TDRP: variants seen among roughly 807,000 people sequenced by gnomAD.
The protein encoded by TDRP is testis development-related protein.
Under a neutral mutation model 10.5 loss-of-function variants are expected in TDRP, and 12 were observed. The observed-to-expected ratio is 1.15, with a 90% CI of 0.73 to 1.86. TDRP has a LOEUF of 1.86. TDRP is among the 40% of genes most tolerant of loss of function. TDRP has a pLI of 0.00. For missense variants in TDRP, 353 were observed against 229.2 expected (o/e 1.54, Z -3.49); for synonymous variants, 139 against 95.4 (o/e 1.46, Z -2.67).
In TDRP at chr8:518,395, G is replaced by A. The variant is rs546976732; in HGVS notation, c.109-23798C>T. On this transcript the variant is annotated intron_variant, in intron 1 of 2. Transcript: ENST00000324079. The stretch of plus-strand genomic sequence containing the variant: ...ACATAAGTCTAATAAAAGGTAACCT[G>A]TGCTACCAGTTATTAAATGTATTAG... Among the ~76,000 whole-genome samples the A allele has an allele frequency of 1.7e-4, 26 of 152,276 alleles. No individual in the cohort carries two copies. In the East Asian group the frequency reaches 2.3e-3, roughly 14 times the overall value.
chr8:509,069 G>T (rs1021256888), intron 1 of TDRP, among the ~76,000 whole-genome samples: 4 of 152,234 alleles, frequency 2.6e-5, no homozygotes, highest in African/African-American at 9.6e-5. Flanking sequence ...TCGTGCTGAT[G>T]CAAGAGATGG....
intron 1 of TDRP, among the ~76,000 whole-genome samples, chr8:507,083 C>A (rs933452721): frequency 2.0e-5 from 3 of 152,138 alleles, no homozygotes; most frequent in African/African-American, 7.2e-5. Context: ...AGGCAGGCAC[C>A]TTCTTCACAA....
intron 1 of TDRP, among the ~76,000 whole-genome samples, chr8:535,284 C>G (rs1295023680): frequency 1.3e-5 from 2 of 152,088 alleles, no homozygotes; most frequent in African/African-American, 4.8e-5. Context: ...AGCTCATGGT[C>G]CAACCATTTC....
intron 1 of TDRP, among the ~76,000 whole-genome samples, chr8:510,852 A>G (rs1474012272): frequency 6.6e-6 from 1 of 152,210 alleles, no homozygotes; most frequent in African/African-American, 2.4e-5. Context: ...ATACATTCTT[A>G]TTTCTTCCCA....
intron 1 of TDRP, among the ~76,000 whole-genome samples, chr8:521,090 A>AT (rs1801890028): frequency 6.6e-6 from 1 of 151,872 alleles, no homozygotes; most frequent in Non-Finnish European, 1.5e-5. Flanking sequence ...TTTTGAATTA[A>AT]TTTTTGTACA....
intron 1 of TDRP, among the ~76,000 whole-genome samples, chr8:531,096 C>T (rs923412993): frequency 3.3e-5 from 5 of 152,160 alleles, no homozygotes; most frequent in Non-Finnish European, 5.9e-5. Context: ...ACTTTCTACC[C>T]AGCAGAGAGT....
chr8:512,767 G>A (rs964049667), intron 1 of TDRP, among the ~76,000 whole-genome samples: 2 of 152,148 alleles, frequency 1.3e-5, no homozygotes, highest in Non-Finnish European at 2.9e-5. Flanking sequence ...CTGAGGCCAT[G>A]AATTTGAGAA....
intron 1 of TDRP, among the ~76,000 whole-genome samples, chr8:528,231 T>C (rs921847975): frequency 6.6e-6 from 1 of 152,150 alleles, no homozygotes; most frequent in East Asian, 1.9e-4. Context: ...TCAGTTAAAA[T>C]GGCTTTTATC....
At chr8:540,975 G>C (rs928986355) in intron 1 of TDRP, among the ~76,000 whole-genome samples, 6 of 152,108 alleles carry the variant, frequency 3.9e-5, no homozygotes, top group Non-Finnish European at 5.9e-5. Flanking sequence ...AAAAGACCAA[G>C]AATGAAACAG....
chr8:504,835 C>A (rs1028376853), intron 1 of TDRP, among the ~76,000 whole-genome samples: 1 of 152,128 alleles, frequency 6.6e-6, no homozygotes, highest in South Asian at 2.1e-4. Context: ...ATTCACATTT[C>A]GGAACCCAGA....
In TDRP at chr8:496,193, C is replaced by G. The variant is rs115608036; in HGVS notation, c.109-1596G>C. Among the ~76,000 whole-genome samples the G allele has an allele frequency of 1.7e-3, 261 of 152,330 alleles. 3 individuals are homozygous for G. The East Asian group carries it at 0.025, about 15-fold the overall frequency. On this transcript the variant is annotated intron_variant, in intron 1 of 2. Transcript: ENST00000324079. The stretch of plus-strand genomic sequence containing the variant: ...TCAGCTTTCCACATCACACACTGCA[C>G]AAAAACCGATCACACAACCCATGTC...
chr8:518,051 G>A (rs376774039), intron 1 of TDRP, among the ~76,000 whole-genome samples: 38 of 152,276 alleles, frequency 2.5e-4, no homozygotes, highest in African/African-American at 8.4e-4. Flanking sequence ...ACGTGCCACC[G>A]TACACTCATC....
intron 1 of TDRP, among the ~76,000 whole-genome samples, chr8:499,765 G>A (rs1023443698): frequency 1.3e-5 from 2 of 152,236 alleles, no homozygotes; most frequent in Non-Finnish European, 2.9e-5. Flanking sequence ...GGAAGGACAG[G>A]AGGGAAAGTC....
intron 1 of TDRP, among the ~76,000 whole-genome samples, chr8:510,772 A>G (rs1302615901): frequency 6.6e-6 from 1 of 152,254 alleles, no homozygotes; most frequent in Non-Finnish European, 1.5e-5. Context: ...TCCATACAGC[A>G]ACTCATATCC....
chr8:503,189 G>A (rs980533816), intron 1 of TDRP, among the ~76,000 whole-genome samples: 12 of 150,202 alleles, frequency 8.0e-5, no homozygotes, highest in Non-Finnish European at 1.2e-4. Context: ...ACCTCAACAC[G>A]CACCAACACA....
chr8:521,227 C>G (rs562609923), intron 1 of TDRP, among the ~76,000 whole-genome samples: 318 of 145,138 alleles, frequency 2.2e-3, no homozygotes, highest in Non-Finnish European at 3.9e-3. Context: ...ACGGTCAAAC[C>G]CCGTCTCTAC....
intron 2 of TDRP, 119 bp from the exon 3 acceptor site, chr8:492,863 A>G: frequency 1.3e-6 from 1 of 779,526 alleles, no homozygotes; most frequent in East Asian, 2.8e-5. Context: ...AACTAACACA[A>G]GTCTATATGA....
At chr8:529,591 A>G (rs992946502) in intron 1 of TDRP, among the ~76,000 whole-genome samples, 1 of 152,236 alleles carries the variant, frequency 6.6e-6, no homozygotes, top group Admixed American at 6.5e-5. Flanking sequence ...TTATCTGGGA[A>G]GGTCTTTATT....
In TDRP at chr8:544,826, G is replaced by C; in HGVS notation, c.-69C>G. 1.8e-6 allele frequency: 2 copies of C among 1,131,426 alleles called. No homozygotes were observed. Among genetic ancestry groups the C allele is most frequent in the Non-Finnish European group, 1.1e-6 (1 of 899,024 alleles). The allele number at this position is 1,131,426 out of a possible 1,614,324, so 70.1% of individuals were successfully genotyped here. A position where few individuals can be genotyped will look rare whatever the true frequency, so the allele number is the denominator to read the frequency against. ...TGGCTCCGCGTCCCTCCCGGCCGCC[G>C]GACGCTCTGCCTGCGGCTCCTGCGG... On this transcript the variant is annotated 5_prime_UTR_variant, in exon 1 of 3. Transcript: ENST00000324079.
Sources: gnomAD v4.1 joint callset for allele counts (sites outside exome capture counted in the v4.1 genomes callset) on GRCh38, gnomAD v4.1.1 for gene constraint, MANE v1.5 for transcripts, NCBI Gene and HGNC (gene_info 2026-07-23, HGNC 2026-07-21) for gene names.